The following THSD4 variants were observed in gnomAD, a reference collection of about 807,000 sequenced individuals.
THSD4 encodes the protein thrombospondin type 1 domain containing 4.
Under a neutral mutation model 119.0 loss-of-function variants are expected in THSD4, and 69 were observed. The observed-to-expected ratio is 0.58, with a 90% CI of 0.48 to 0.71. THSD4 has a LOEUF of 0.71. Among genes scored for constraint, THSD4 ranks in the 30% least tolerant of loss-of-function variants. The probability of loss-of-function intolerance (pLI) is 0.00; values close to 1 mark genes in which losing one functional copy is unlikely to be tolerated. For synonymous variants in THSD4, 524 were observed against 540.4 expected, an observed-to-expected ratio of 0.97 and a Z score of 0.42; for missense variants, 1,393 against 1,391.1, an observed-to-expected ratio of 1.00 and a Z score of -0.02.
chr15:71,189,059 C>T (rs1409914440), intron 3 of THSD4: 2 of 152,362 alleles, frequency 1.3e-5, no homozygotes, highest in Non-Finnish European at 2.9e-5. Context: ...ATTGAGTACT[C>T]AACATATGGA....
intron 6 of THSD4, among the ~76,000 whole-genome samples, chr15:71,320,356 A>G (rs932789145): frequency 6.6e-6 from 1 of 152,230 alleles, no homozygotes; most frequent in African/African-American, 2.4e-5. Flanking sequence ...GTTATTTGCA[A>G]TCTTCTGAAC....
intron 6 of THSD4, among the ~76,000 whole-genome samples, chr15:71,377,961 CA>C (rs1276840434): frequency 2.0e-5 from 3 of 149,694 alleles, no homozygotes; most frequent in African/African-American, 7.4e-5. Flanking sequence ...AATAGCAGAA[CA>C]TAAATTGTCC....
intron 11 of THSD4, among the ~76,000 whole-genome samples, chr15:71,742,248 C>A (rs1318648237): frequency 1.3e-5 from 2 of 152,232 alleles, no homozygotes; most frequent in Admixed American, 6.5e-5. Context: ...GTGCTTCCAG[C>A]ATCATGATAT....
intron 7 of THSD4, among the ~76,000 whole-genome samples, chr15:71,473,991 C>T (rs934893707): frequency 6.6e-6 from 1 of 152,150 alleles, no homozygotes; most frequent in African/African-American, 2.4e-5. Context: ...GCTGGGCAGT[C>T]TCTTGATACT....
In THSD4 at chr15:71,341,235, G is replaced by A. The variant is rs2045566831; in HGVS notation, c.1016-70452G>A. On this transcript the variant is annotated intron_variant, in intron 6 of 17. Coordinates refer to ENST00000261862, the MANE Select transcript of THSD4 (RefSeq NM_024817.3). ...TTCTTCTGGGCAACCTCCTCTTCTG[G>A]TTTAGGAACAATCTGTTCCTTTTCC... is the stretch of plus-strand genomic sequence containing the variant. The A allele has an allele frequency of 4.4e-6, 7 of 1,593,424 alleles. 1 individual carries two copies. The African/African-American group carries it at 8.0e-5, about 18-fold the overall frequency.
At chr15:71,639,107 T>C (rs114559105) in intron 7 of THSD4, among the ~76,000 whole-genome samples, 208 of 152,330 alleles carry the variant, frequency 1.4e-3, no homozygotes, top group African/African-American at 4.7e-3. Flanking sequence ...ACTAGTCACA[T>C]GGCCAGACCT....
chr15:71,689,476 C>T (rs533576114), intron 8 of THSD4, among the ~76,000 whole-genome samples: 1 of 152,182 alleles, frequency 6.6e-6, no homozygotes, highest in Non-Finnish European at 1.5e-5. Flanking sequence ...GAAAGGAGAT[C>T]ATGTTGTATA....
At chr15:71,619,779 A>T (rs2050388571) in intron 7 of THSD4, among the ~76,000 whole-genome samples, 1 of 152,236 alleles carries the variant, frequency 6.6e-6, no homozygotes. Flanking sequence ...GTGGAAATAA[A>T]TGCATACACA....
At chr15:71,120,050 C>T (rs984316361) in intron 1 of THSD4, among the ~76,000 whole-genome samples, 1 of 152,180 alleles carries the variant, frequency 6.6e-6, no homozygotes, top group African/African-American at 2.4e-5. Context: ...AATTGGAGCT[C>T]AATGTATTGC....
chr15:71,411,737 T>C lies in THSD4; in HGVS notation c.1066T>C (p.Phe356Leu), dbSNP rs2046690033. 1 of 1,614,166 alleles carries C rather than the reference T, an allele frequency of 6.2e-7. No homozygotes were observed. The highest frequency in any genetic ancestry group is 1.1e-5 in the South Asian group (1 of 91,074). The change falls in exon 7 of 18, where the codon TTC becomes CTC. Residue 356 changes from phenylalanine to leucine, a missense_variant. Phe to Leu is a conservative substitution (Grantham distance 22). Coordinates refer to ENST00000261862, the MANE Select transcript of THSD4 (RefSeq NM_024817.3). ...ELNCQAMGYR[F>L]YVRQAEKVID... is the part of the protein sequence containing the mutation. ...GAACTGCCAGGCAATGGGCTACCGCTTCTATGTACGGCAAGCTGAGAAAGT... is the reference window on the plus strand; with the variant it reads ...GAACTGCCAGGCAATGGGCTACCGCCTCTATGTACGGCAAGCTGAGAAAGT...
At chr15:71,314,463 C>T (rs1424844819) in intron 6 of THSD4, among the ~76,000 whole-genome samples, 3 of 152,024 alleles carry the variant, frequency 2.0e-5, no homozygotes, top group Admixed American at 2.0e-4. Context: ...CACACTACCA[C>T]GCGCAGCTAA....
intron 8 of THSD4, among the ~76,000 whole-genome samples, chr15:71,706,731 G>C (rs528463016): frequency 1.3e-5 from 2 of 152,142 alleles, no homozygotes; most frequent in Admixed American, 1.3e-4. Context: ...TGCTACCAAC[G>C]TGACATCTGA....
intron 6 of THSD4, among the ~76,000 whole-genome samples, chr15:71,391,873 G>T (rs576824600): frequency 6.6e-6 from 1 of 152,236 alleles, no homozygotes; most frequent in South Asian, 2.1e-4. Context: ...CTTGCAGGTG[G>T]CTGTTTGCAA....
At chr15:71,563,321 G>A (rs1230137469) in intron 7 of THSD4, among the ~76,000 whole-genome samples, 1 of 152,142 alleles carries the variant, frequency 6.6e-6, no homozygotes, top group East Asian at 1.9e-4. Flanking sequence ...ATCTCGGATA[G>A]TAAAGACTCT....
rs73432406 is a variant in THSD4 at position 71,738,125 on chromosome 15, G to A, written c.1906+118G>A. 451 of 1,349,648 alleles carry A rather than the reference G, an allele frequency of 3.3e-4. 4 individuals are homozygous for A. In the African/African-American group the frequency reaches 5.5e-3, roughly 17 times the overall value. The allele number at this position is 1,349,648 out of a possible 1,614,324, so 83.6% of individuals were successfully genotyped here. A position where few individuals can be genotyped will look rare whatever the true frequency, so the allele number is the denominator to read the frequency against. On this transcript the variant is annotated intron_variant, in intron 11 of 17. Transcript: ENST00000261862. ...ACCAGGGACTGGTTTCGTGGAAGAC[G>A]ATTTCTCCATGGATGGTGGCGGGGT...
At chr15:71,407,761 G>A (rs2046628032) in intron 6 of THSD4, among the ~76,000 whole-genome samples, 1 of 152,108 alleles carries the variant, frequency 6.6e-6, no homozygotes, top group Admixed American at 6.5e-5. Flanking sequence ...TTCCAAGTCG[G>A]CTCACTGATT....
At chr15:71,452,415 A>G (rs1015729791) in intron 7 of THSD4, among the ~76,000 whole-genome samples, 5 of 151,568 alleles carry the variant, frequency 3.3e-5, no homozygotes, top group Admixed American at 2.0e-4. Context: ...TGAAGGAAAA[A>G]GTTCCACACT....
chr15:71,770,711 C>G (rs1247849218), intron 16 of THSD4, among the ~76,000 whole-genome samples: 1 of 152,080 alleles, frequency 6.6e-6, no homozygotes, highest in African/African-American at 2.4e-5. Flanking sequence ...AACACTGAGT[C>G]TATATTGAAG....
chr15:71,660,558 C>G lies in THSD4; in HGVS notation c.1181C>G (p.Ser394Cys). 6.2e-7 allele frequency: 1 copy of G among 1,614,112 alleles called. No individual in the cohort carries two copies. Among genetic ancestry groups the G allele is most frequent in the South Asian group, 1.1e-5 (1 of 91,072 alleles). Residue 394 changes from serine (S) to cysteine (C), a missense_variant, in exon 8 of 18, where the codon TCC becomes TGC. Transcript: ENST00000261862. ...KSIGCDDYLG[S>C]DKVVDKCGVC... The stretch of plus-strand genomic sequence containing the variant: ...ATTGGCTGTGATGACTACTTAGGCT[C>G]CGACAAAGTCGTGGACAAATGTGGG...
Sources: gnomAD v4.1 joint callset for allele counts (sites outside exome capture counted in the v4.1 genomes callset) on GRCh38, gnomAD v4.1.1 for gene constraint, MANE v1.5 for transcripts, NCBI Gene and HGNC (gene_info 2026-07-23, HGNC 2026-07-21) for gene names.